The following RC3H2 variants were observed in gnomAD, a reference collection of about 807,000 sequenced individuals.
The protein encoded by RC3H2 is ring finger and CCCH-type domains 2.
Under a neutral mutation model 133.3 loss-of-function variants are expected in RC3H2, and 31 were observed. That is an observed-to-expected ratio of 0.23 (90% CI 0.17 to 0.31). The LOEUF is 0.31. RC3H2 is among the 10% of genes least tolerant of loss of function. The probability of loss-of-function intolerance (pLI) is 1.00; values close to 1 mark genes in which losing one functional copy is unlikely to be tolerated. For missense variants in RC3H2, 1,175 were observed against 1,437.2 expected (o/e 0.82, Z 2.95); for synonymous variants, 517 against 502.2 (o/e 1.03, Z -0.40).
rs773008821 is a variant in RC3H2 at position 122,865,458 on chromosome 9, G to A, written c.1525C>T (p.Arg509Cys). 1.9e-6 allele frequency: 3 copies of A among 1,614,136 alleles called. No individual in the cohort carries two copies. The highest frequency in any genetic ancestry group is 1.7e-6 in the Non-Finnish European group (2 of 1,180,006). ...GCTCTTAAGGTACTGTCAGTACTAC[G>A]TGAGATTAGCTGGGAAACACTGTTT... is the stretch of plus-strand genomic sequence containing the variant. Reference protein sequence around the residue: ...AENSVSQLISRSTDSTLRALE... With the variant: ...AENSVSQLISCSTDSTLRALE... The change falls in exon 10 of 21, where the codon CGT (arginine) becomes TGT (cysteine). Residue 509 changes from arginine (R) to cysteine (C), a missense_variant. Arg to Cys is a radical substitution (Grantham distance 180). Coordinates refer to ENST00000357244, the MANE Select transcript of RC3H2 (RefSeq NM_001100588.3).
intron 4 of RC3H2, among the ~76,000 whole-genome samples, chr9:122,887,323 A>T (rs907469273): frequency 1.3e-5 from 2 of 152,128 alleles, no homozygotes; most frequent in Non-Finnish European, 2.9e-5. Context: ...TATGATGTTT[A>T]AATTGCCCCA....
At position 122,852,853 on chromosome 9, in the gene RC3H2, G is replaced by A. The variant is rs546253654; in HGVS notation, c.3117+1099C>T. ...CTACTGGGAAGTGAGGAGCCCCTCT[G>A]CCCAGCCACCACCCCGTCTGGGAGG... On this transcript the variant is annotated intron_variant, in intron 18 of 20. Transcript: ENST00000357244. 4.8e-4 allele frequency among the ~76,000 whole-genome samples: 73 copies of A among 152,284 alleles called. 1 individual carries two copies. Among genetic ancestry groups the A allele is most frequent in the Non-Finnish European group, 5.0e-4 (34 of 68,000 alleles).
chr9:122,855,050 T>A (rs1281347480), intron 15 of RC3H2, 134 bp downstream of exon 15: 17 of 680,000 alleles, frequency 2.5e-5, no homozygotes, highest in Admixed American at 8.6e-5. Flanking sequence ...AGGATGGAGG[T>A]TGCAGTGAGC....
chr9:122,852,874 G>A (rs1173181109), intron 18 of RC3H2, among the ~76,000 whole-genome samples: 1 of 152,230 alleles, frequency 6.6e-6, no homozygotes, highest in African/African-American at 2.4e-5. Context: ...ACCCCGTCTG[G>A]GAGGTGTGCC....
chr9:122,858,545 G>A, intron 12 of RC3H2, 124 bp downstream of exon 12: 1 of 699,942 alleles, frequency 1.4e-6, no homozygotes, highest in Non-Finnish European at 2.4e-6. Context: ...TGAGGCATAG[G>A]GAGGTCAAGT....
chr9:122,891,258 A>G (rs190601630), intron 3 of RC3H2, among the ~76,000 whole-genome samples: 1 of 151,944 alleles, frequency 6.6e-6, no homozygotes, highest in Non-Finnish European at 1.5e-5. Flanking sequence ...CCTGACCCCA[A>G]ATGATCTGCC....
At chr9:122,883,403 G>T (rs1161564159) in intron 4 of RC3H2, 24 bp from the exon 5 acceptor site, 1 of 1,564,718 alleles carries the variant, frequency 6.4e-7, no homozygotes. Context: ...AGGAACATGA[G>T]TTCATGACAA....
chr9:122,873,854 G>A (rs1439102075), intron 9 of RC3H2: 2 of 151,844 alleles, frequency 1.3e-5, no homozygotes, highest in Non-Finnish European at 2.9e-5. Flanking sequence ...ATCTTGCTCT[G>A]TCGTCCACAC....
chr9:122,886,235 A>G (rs1262025510), intron 4 of RC3H2, among the ~76,000 whole-genome samples: 1 of 152,118 alleles, frequency 6.6e-6, no homozygotes, highest in African/African-American at 2.4e-5. Flanking sequence ...ATGTATCAGT[A>G]TTTATTCCTT....
At position 122,844,829 on chromosome 9, in the gene RC3H2, C is replaced by T. The variant is rs1829834128; in HGVS notation, c.*4798G>A. ...TAGTCTTCCCCCATTTAATCCTATT[C>T]CTATAGCACAAAGGGAAACATTACA... On this transcript the variant is annotated 3_prime_UTR_variant, in exon 21 of 21. Coordinates refer to ENST00000357244, the MANE Select transcript of RC3H2 (RefSeq NM_001100588.3). The T allele has an allele frequency of 6.6e-6, 1 of 152,010 alleles. No homozygotes were observed. The highest frequency in any genetic ancestry group is 1.5e-5 in the Non-Finnish European group (1 of 68,004). 9.4% of individuals were successfully genotyped at this position (152,010 alleles called of 1,614,324 possible). A position where few individuals can be genotyped will look rare whatever the true frequency, so the allele number is the denominator to read the frequency against.
chr9:122,875,040 C>G, intron 9 of RC3H2: 1 of 942,286 alleles, frequency 1.1e-6, no homozygotes, highest in East Asian at 2.9e-5. Context: ...CCCCTTTTAG[C>G]TAAAAAGCTC....
chr9:122,866,197 T>C (rs1290393296), intron 9 of RC3H2, among the ~76,000 whole-genome samples: 2 of 152,234 alleles, frequency 1.3e-5, no homozygotes, highest in South Asian at 2.1e-4. Flanking sequence ...TTCTGTATTA[T>C]AGTTCTCAGA....
At chr9:122,899,379 C>T (rs1255649348) in intron 1 of RC3H2, among the ~76,000 whole-genome samples, 2 of 151,864 alleles carry the variant, frequency 1.3e-5, no homozygotes, top group South Asian at 2.1e-4. Flanking sequence ...CGTGAGCCAC[C>T]GCGCCCGGCC....
Position 122,846,419 on chromosome 9 carries a change from A to T in RC3H2, c.*3208T>A, listed in dbSNP as rs1829869397. On this transcript the variant is annotated 3_prime_UTR_variant, in exon 21 of 21. Transcript: ENST00000357244. The stretch of plus-strand genomic sequence containing the variant: ...CATGGCATTGAAAATAAGACGTGGC[A>T]GCAAAGGCAAGGGAATCTGCTTTGT... The T allele has an allele frequency of 6.6e-6, 1 of 152,190 alleles. No individual in the cohort carries two copies. The highest frequency in any genetic ancestry group is 6.5e-5 in the Admixed American group (1 of 15,278). 9.4% of individuals were successfully genotyped at this position (152,190 alleles called of 1,614,324 possible).
At chr9:122,893,739 A>G (rs985947304) in intron 2 of RC3H2, among the ~76,000 whole-genome samples, 2 of 152,172 alleles carry the variant, frequency 1.3e-5, no homozygotes, top group African/African-American at 4.8e-5. Context: ...AAAAAGACAC[A>G]GTTGTTTTTT....
At chr9:122,901,029 G>C (rs1832629247) in intron 1 of RC3H2, among the ~76,000 whole-genome samples, 1 of 152,160 alleles carries the variant, frequency 6.6e-6, no homozygotes, top group South Asian at 2.1e-4. Context: ...GCTTTATTAA[G>C]AGCCAGCTAA....
Position 122,905,261 on chromosome 9 carries a change from T to C in RC3H2, c.-219A>G, listed in dbSNP as rs1832798664. On this transcript the variant is annotated 5_prime_UTR_variant, in exon 1 of 21. Transcript: ENST00000357244. ...ATCGGGAGCTACAGGGACAGCCCCG[T>C]TGGCGGCGGCGAAGGCCGCGACGGG... 1.0e-5 allele frequency: 10 copies of C among 985,740 alleles called. No individual in the cohort carries two copies. The highest frequency in any genetic ancestry group is 4.7e-5 in the South Asian group (1 of 21,302). 61.1% of individuals were successfully genotyped at this position (985,740 alleles called of 1,614,324 possible).
At chr9:122,903,937 T>TA (rs1316853672) in intron 1 of RC3H2, among the ~76,000 whole-genome samples, 1 of 152,204 alleles carries the variant, frequency 6.6e-6, no homozygotes, top group Non-Finnish European at 1.5e-5. Flanking sequence ...CTTAATATCG[T>TA]AAAAAGCTTT....
chr9:122,886,249 T>C (rs1193587638), intron 4 of RC3H2, among the ~76,000 whole-genome samples: 8 of 152,364 alleles, frequency 5.3e-5, no homozygotes, highest in African/African-American at 9.6e-5. Flanking sequence ...ATTCCTTTTA[T>C]GGCTGAGGAA....
Sources: gnomAD v4.1 joint callset for allele counts (sites outside exome capture counted in the v4.1 genomes callset) on GRCh38, gnomAD v4.1.1 for gene constraint, MANE v1.5 for transcripts, NCBI Gene and HGNC (gene_info 2026-07-23, HGNC 2026-07-21) for gene names.